Variants in NAV2 observed in about 807,000 individuals in gnomAD.
NAV2 encodes neuron navigator 2, also known as helicase, APC down-regulated 1.
In NAV2, 54 loss-of-function variants were observed where a neutral mutation model predicts 223.2. The ratio of observed to expected loss-of-function variants is 0.24; its 90% CI spans 0.19 to 0.30. The LOEUF (loss-of-function observed/expected upper bound fraction) is 0.30, where lower values mean the gene tolerates loss of function less well. Among genes scored for constraint, NAV2 ranks in the 10% least tolerant of loss-of-function variants. The pLI is 1.00. For missense variants in NAV2, 2,806 were observed against 3,147.5 expected, an observed-to-expected ratio of 0.89 and a Z score of 2.60; for synonymous variants, 1,279 against 1,239.3, an observed-to-expected ratio of 1.03 and a Z score of -0.67.
chr11:19,934,392 G>A (rs79416613), intron 7 of NAV2, 115 bp downstream of exon 7: 143,385 of 1,268,430 alleles, frequency 0.11, 12,798 homozygotes, highest in East Asian at 0.4. Flanking sequence ...ACTTAAGTCA[G>A]TAGCTAAGAA....
At chr11:19,611,487 G>A (rs1016813869) in intron 1 of NAV2, among the ~76,000 whole-genome samples, 2 of 152,204 alleles carry the variant, frequency 1.3e-5, no homozygotes, top group Admixed American at 6.5e-5. Flanking sequence ...AAAATCAAAA[G>A]CAAGCTAGTG....
At chr11:19,493,855 A>G (rs1380970163) in intron 1 of NAV2, among the ~76,000 whole-genome samples, 1 of 152,258 alleles carries the variant, frequency 6.6e-6, no homozygotes, top group Non-Finnish European at 1.5e-5. Flanking sequence ...TTGCAGTAAG[A>G]AAAATTATTT....
intron 1 of NAV2, among the ~76,000 whole-genome samples, chr11:19,598,742 C>T (rs2046277558): frequency 1.3e-5 from 2 of 152,166 alleles, no homozygotes; most frequent in African/African-American, 4.8e-5. Context: ...AGTTTGACTC[C>T]ACCACCAAGC....
At chr11:19,610,447 C>G (rs2046605490) in intron 1 of NAV2, among the ~76,000 whole-genome samples, 1 of 152,194 alleles carries the variant, frequency 6.6e-6, no homozygotes, top group Non-Finnish European at 1.5e-5. Context: ...ACAGTTGCAG[C>G]TCTGAGCTTT....
chr11:19,933,634 A>C lies in NAV2; in HGVS notation c.1390A>C (p.Lys464Gln), dbSNP rs2045590393. 6.2e-7 allele frequency: 1 copy of C among 1,614,186 alleles called. No homozygotes were observed. The highest frequency in any genetic ancestry group is 8.5e-7 in the Non-Finnish European group (1 of 1,180,026). ...PASSSPKIAL[K>Q]GIAQRTFSRA... is the part of the protein sequence containing the mutation. ...TTCCAGCAGCCCCAAGATTGCACTC[A>C]AGGGCATTGCCCAGAGGACTTTTAG... Residue 464 changes from lysine to glutamine, a missense_variant, in exon 7 of 38, where the codon AAG (lysine) becomes CAG (glutamine). This residue lies in a region of NAV2 where 1,167 missense variants were observed against 1,180.5 expected (regional missense o/e 0.99). Transcript: ENST00000349880. This position sits in a 1 kb window ranked among gnomAD's most constrained non-coding sequence, Gnocchi z 4.3.
intron 1 of NAV2, among the ~76,000 whole-genome samples, chr11:19,781,983 C>T (rs1472979657): frequency 2.6e-5 from 4 of 152,102 alleles, no homozygotes; most frequent in Admixed American, 1.3e-4. Context: ...AGCTCATTAA[C>T]ACTCACATGA....
intron 1 of NAV2, among the ~76,000 whole-genome samples, chr11:19,600,223 T>C (rs185820551): frequency 3.9e-5 from 6 of 152,296 alleles, no homozygotes; most frequent in East Asian, 1.9e-4. Context: ...ATCTGCCTCA[T>C]TGGGTGTGGT....
At chr11:19,598,219 G>A (rs1449044058) in intron 1 of NAV2, among the ~76,000 whole-genome samples, 1 of 152,188 alleles carries the variant, frequency 6.6e-6, no homozygotes, top group African/African-American at 2.4e-5. Flanking sequence ...CTTCTGATCT[G>A]CAGTCCAACA....
intron 10 of NAV2, among the ~76,000 whole-genome samples, chr11:19,974,718 G>A (rs961605448): frequency 6.6e-6 from 1 of 152,218 alleles, no homozygotes; most frequent in Admixed American, 6.5e-5. Flanking sequence ...GTTTAGGACA[G>A]CAGTGTACAG....
At chr11:19,695,351 G>A (rs1017833514) in intron 1 of NAV2, among the ~76,000 whole-genome samples, 3 of 152,074 alleles carry the variant, frequency 2.0e-5, no homozygotes, top group South Asian at 4.1e-4. Flanking sequence ...TTTCTCATCC[G>A]TAAACAGGGA....
intron 1 of NAV2, among the ~76,000 whole-genome samples, chr11:19,678,313 T>G (rs1416342881): frequency 6.6e-6 from 1 of 152,136 alleles, no homozygotes; most frequent in East Asian, 1.9e-4. Context: ...ACATGAGAAA[T>G]GAAACGTAGA....
intron 1 of NAV2, among the ~76,000 whole-genome samples, chr11:19,666,021 T>C (rs1468569775): frequency 6.6e-6 from 1 of 152,168 alleles, no homozygotes; most frequent in East Asian, 1.9e-4. Context: ...ACCTTTCACG[T>C]TATTAGTCTC....
intron 11 of NAV2, among the ~76,000 whole-genome samples, chr11:20,002,760 G>T (rs1484279528): frequency 6.6e-6 from 1 of 152,122 alleles, no homozygotes; most frequent in Non-Finnish European, 1.5e-5. Flanking sequence ...CGGTAGCTGT[G>T]TTCCACTGTG....
At chr11:19,778,871 C>T (rs1357465026) in intron 1 of NAV2, among the ~76,000 whole-genome samples, 1 of 152,208 alleles carries the variant, frequency 6.6e-6, no homozygotes, top group African/African-American at 2.4e-5. Flanking sequence ...TGAGATGCCA[C>T]TCTAACAGGC....
In NAV2 at chr11:20,091,000, G is replaced by A. The variant is rs1221201030; in HGVS notation, c.5634G>A (p.Glu1878=). The A allele has an allele frequency of 6.2e-7, 1 of 1,613,400 alleles. No homozygotes were observed. The highest frequency in any genetic ancestry group is 1.3e-5 in the African/African-American group (1 of 74,916). The change falls in exon 27 of 38, where the codon GAG becomes GAA. Residue 1878 remains glutamate, a synonymous_variant. Coordinates refer to ENST00000349880, the MANE Select transcript of NAV2 (RefSeq NM_145117.5). Reference sequence around the variant, plus strand: ...CCCACCAGCTGGACCAGCTCCGGGAGGCCATGAACAGGATGCAGGTGAGAG... The same window carrying A: ...CCCACCAGCTGGACCAGCTCCGGGAAGCCATGAACAGGATGCAGGTGAGAG... ...SSAHQLDQLR[E]AMNRMQSEIE... is the part of the protein sequence containing the mutation.
chr11:19,933,624 G>T lies in NAV2; in HGVS notation c.1380G>T (p.Lys460Asn), dbSNP rs777680098. ...TGGGCCCTGCTTCCAGCAGCCCCAA[G>T]ATTGCACTCAAGGGCATTGCCCAGA... ...TTVGPASSSP[K>N]IALKGIAQRT... Residue 460 changes from lysine (K) to asparagine (N), a missense_variant, in exon 7 of 38, where the codon AAG (lysine) becomes AAT (asparagine). Physicochemically the swap from Lys to Asn is moderately conservative, Grantham distance 94. Transcript: ENST00000349880. This position sits in a 1 kb window ranked among gnomAD's most constrained non-coding sequence, Gnocchi z 4.3. The T allele has an allele frequency of 1.2e-6, 2 of 1,614,068 alleles. No homozygotes were observed. Among genetic ancestry groups the T allele is most frequent in the Non-Finnish European group, 1.7e-6 (2 of 1,180,022 alleles).
chr11:19,491,955 A>AG (rs2042641708), intron 1 of NAV2, among the ~76,000 whole-genome samples: 2 of 120,952 alleles, frequency 1.7e-5, no homozygotes, highest in East Asian at 2.6e-4. Context: ...GGGAGACTCA[A>AG]AGAGAGAGAG....
At chr11:19,832,965 T>C (rs1258799837) in intron 2 of NAV2, among the ~76,000 whole-genome samples, 1 of 152,000 alleles carries the variant, frequency 6.6e-6, no homozygotes, top group African/African-American at 2.4e-5. Flanking sequence ...ACTCTGGAAA[T>C]ATTTCCAAAA....
chr11:19,454,427 C>A (rs974043393), intron 1 of NAV2, among the ~76,000 whole-genome samples: 21 of 152,210 alleles, frequency 1.4e-4, no homozygotes, highest in African/African-American at 4.6e-4. Context: ...ATGTTTTCTT[C>A]AGGCCCATCA....
Sources: gnomAD v4.1 joint callset for allele counts (sites outside exome capture counted in the v4.1 genomes callset) on GRCh38, gnomAD v4.1.1 for gene constraint, gnomAD v4.1.1 regional missense constraint, Gnocchi (gnomAD v3.1) non-coding constraint, MANE v1.5 for transcripts, NCBI Gene and HGNC (gene_info 2026-07-23, HGNC 2026-07-21) for gene names.